The following CALN1 variants were observed in gnomAD, a reference collection of about 807,000 sequenced individuals.
The protein encoded by CALN1 is calneuron 1.
A neutral mutation model predicts 30.6 loss-of-function variants in CALN1; 17 were observed. The observed-to-expected ratio is 0.56, with a 90% confidence interval of 0.38 to 0.83. The LOEUF (loss-of-function observed/expected upper bound fraction) is 0.83, where lower values mean the gene tolerates loss of function less well. CALN1 is among the 40% of genes least tolerant of loss of function. The pLI is 0.00. For synonymous variants in CALN1, 156 were observed against 131.4 expected (o/e 1.19, Z -1.28); for missense variants, 291 against 354.9 (o/e 0.82, Z 1.45).
chr7:72,146,353 G>C (rs188352784), intron 3 of CALN1, among the ~76,000 whole-genome samples: 2 of 152,116 alleles, frequency 1.3e-5, no homozygotes, highest in Admixed American at 1.3e-4. Flanking sequence ...AATCATGAGT[G>C]AACTCCCATT....
intron 5 of CALN1, among the ~76,000 whole-genome samples, chr7:71,934,511 G>C (rs1795728261): frequency 6.6e-6 from 1 of 152,176 alleles, no homozygotes; most frequent in African/African-American, 2.4e-5. Context: ...GAAGGCAAAG[G>C]GGGAACAGGT....
intron 3 of CALN1, among the ~76,000 whole-genome samples, chr7:72,176,966 A>C (rs1439523538): frequency 6.6e-6 from 1 of 152,110 alleles, no homozygotes; most frequent in Non-Finnish European, 1.5e-5. Flanking sequence ...AAGTTAGCAC[A>C]AACAGTAGCG....
chr7:71,780,705 A>G lies in CALN1; in HGVS notation c.*7070T>C, dbSNP rs1467122929. ...TGCTGTTATAGTGGCCAGAAAAAAA[A>G]AAAAGCAAAGAAAGAAATAACTGGA... On this transcript the variant is annotated 3_prime_UTR_variant, in exon 7 of 7. Coordinates refer to ENST00000395275, the MANE Select transcript of CALN1 (RefSeq NM_031468.4). 6.6e-6 allele frequency: 1 copy of G among 152,146 alleles called. No individual in the cohort carries two copies. Among genetic ancestry groups the G allele is most frequent in the East Asian group, 1.9e-4 (1 of 5,198 alleles). The allele number at this position is 152,146 out of a possible 1,614,324, so 9.4% of individuals were successfully genotyped here.
intron 2 of CALN1, among the ~76,000 whole-genome samples, chr7:72,313,539 C>T (rs565452498): frequency 5.3e-5 from 8 of 152,174 alleles, no homozygotes; most frequent in South Asian, 2.1e-4. Context: ...ACTATCGGTG[C>T]GTACCACCAT....
intron 4 of CALN1, among the ~76,000 whole-genome samples, chr7:72,041,616 T>C (rs1392196054): frequency 1.3e-5 from 2 of 152,076 alleles, no homozygotes; most frequent in African/African-American, 2.4e-5. Flanking sequence ...ACTCCTGACC[T>C]CAGGTGATCT....
intron 1 of CALN1, among the ~76,000 whole-genome samples, chr7:72,409,140 C>T (rs565645143): frequency 3.2e-4 from 48 of 152,082 alleles, no homozygotes; most frequent in Admixed American, 1.7e-3. Flanking sequence ...GGATTACAGG[C>T]GCCCGCCACC....
At chr7:72,052,520 G>A (rs746625975) in intron 4 of CALN1, among the ~76,000 whole-genome samples, 2 of 152,080 alleles carry the variant, frequency 1.3e-5, no homozygotes, top group Non-Finnish European at 2.9e-5. Flanking sequence ...TCTATAGCCC[G>A]TGTCTCCTGC....
chr7:72,242,003 C>T (rs1264497151), intron 3 of CALN1, among the ~76,000 whole-genome samples: 3 of 152,174 alleles, frequency 2.0e-5, no homozygotes, highest in African/African-American at 7.2e-5. Context: ...TGAAATTCTA[C>T]CTATTAAATA....
intron 3 of CALN1, among the ~76,000 whole-genome samples, chr7:72,219,714 G>A (rs970905046): frequency 6.6e-5 from 10 of 150,944 alleles, no homozygotes; most frequent in South Asian, 2.1e-4. Flanking sequence ...ACACACGCAC[G>A]TGCACACATA....
chr7:71,904,655 T>G (rs1392286427), intron 5 of CALN1, among the ~76,000 whole-genome samples: 1 of 152,142 alleles, frequency 6.6e-6, no homozygotes, highest in East Asian at 1.9e-4. Context: ...CTATAGTCAG[T>G]GACGATAGTA....
At chr7:72,347,517 C>T (rs1421763491) in intron 2 of CALN1, among the ~76,000 whole-genome samples, 2 of 152,070 alleles carry the variant, frequency 1.3e-5, no homozygotes, top group Non-Finnish European at 2.9e-5. Context: ...GCGCCAGCCT[C>T]GGCCTCCCAA....
At chr7:72,335,793 C>A (rs981421438) in intron 2 of CALN1, among the ~76,000 whole-genome samples, 5 of 152,198 alleles carry the variant, frequency 3.3e-5, no homozygotes, top group Non-Finnish European at 7.4e-5. Context: ...TGGCCCAAGG[C>A]TAAGACGCAA....
chr7:72,214,258 T>C (rs142965030), intron 3 of CALN1, among the ~76,000 whole-genome samples: 23 of 152,308 alleles, frequency 1.5e-4, no homozygotes, highest in African/African-American at 5.3e-4. Flanking sequence ...GGCAGACGGA[T>C]TGCCTGAGGT....
chr7:72,406,992 T>A (rs539081830), intron 1 of CALN1, among the ~76,000 whole-genome samples: 1 of 152,252 alleles, frequency 6.6e-6, no homozygotes, highest in South Asian at 2.1e-4. Context: ...CACTGCCCAG[T>A]CACTCTTTCA....
upstream of CALN1, among the ~76,000 whole-genome samples, chr7:72,413,570 C>CCA (rs796902036): frequency 6.7e-6 from 1 of 149,710 alleles, no homozygotes; most frequent in Non-Finnish European, 1.5e-5. Context: ...CTCATGCACA[C>CCA]CACACACACA....
At chr7:71,910,551 C>A (rs777119136) in intron 5 of CALN1, among the ~76,000 whole-genome samples, 1 of 152,192 alleles carries the variant, frequency 6.6e-6, no homozygotes, top group Admixed American at 6.5e-5. Flanking sequence ...TCCAGGGTAT[C>A]AAATCCACTG....
At chr7:72,314,968 A>G (rs1354719545) in intron 2 of CALN1, among the ~76,000 whole-genome samples, 4 of 143,988 alleles carry the variant, frequency 2.8e-5, no homozygotes, top group African/African-American at 1.1e-4. Context: ...GCACACAGTG[A>G]GACCCATCTC....
chr7:72,042,628 T>C (rs903135326), intron 4 of CALN1, among the ~76,000 whole-genome samples: 2 of 152,068 alleles, frequency 1.3e-5, no homozygotes, highest in African/African-American at 4.8e-5. Context: ...CCCAGCACTT[T>C]GGGAGGCTGA....
intron 5 of CALN1, among the ~76,000 whole-genome samples, chr7:72,004,057 C>T (rs1799652749): frequency 6.6e-6 from 1 of 152,116 alleles, no homozygotes; most frequent in Non-Finnish European, 1.5e-5. Flanking sequence ...TGGAAATACA[C>T]AGATCTTAGA....
Sources: allele counts gnomAD v4.1 joint callset (sites outside exome capture counted in the v4.1 genomes callset), GRCh38; gene constraint gnomAD v4.1.1; transcripts MANE v1.5; gene names NCBI Gene and HGNC (gene_info 2026-07-23, HGNC 2026-07-21).